The following MGLL variants were observed in gnomAD, a reference collection of about 807,000 sequenced individuals.
MGLL encodes the protein monoglyceride lipase, also known as lysophospholipase homolog.
A neutral mutation model predicts 29.1 loss-of-function variants in MGLL; 7 were observed. The ratio of observed to expected loss-of-function variants is 0.24; its 90% confidence interval spans 0.14 to 0.45. The LOEUF (loss-of-function observed/expected upper bound fraction) is 0.45, where lower values mean the gene tolerates loss of function less well. Ranked by LOEUF, MGLL falls within the 20% of genes least tolerant of loss-of-function variation. MGLL has a pLI of 0.99. For missense variants in MGLL, 356 were observed against 413.6 expected (o/e 0.86, Z 1.21); for synonymous variants, 148 against 168.3 (o/e 0.88, Z 0.93).
At chr3:127,735,743 G>A (rs921516846) in intron 3 of MGLL, 14 of 1,598,074 alleles carry the variant, frequency 8.8e-6, no homozygotes, top group African/African-American at 2.7e-5. Flanking sequence ...CTCGCTCCCC[G>A]CCTTCTCCCA....
Position 127,690,705 on chromosome 3 carries a change from TAAG to T in MGLL, c.*1490_*1492del, listed in dbSNP as rs1339748019. The T allele has an allele frequency of 6.5e-6, 1 of 152,708 alleles. No individual in the cohort carries two copies. Among genetic ancestry groups the T allele is most frequent in the African/African-American group, 2.4e-5 (1 of 41,474 alleles). The allele number at this position is 152,708 out of a possible 1,614,324, so 9.5% of individuals were successfully genotyped here. On this transcript the variant is annotated 3_prime_UTR_variant, in exon 8 of 8. Transcript: ENST00000265052. ...GCCCTGACCAGGGTCATATTTGCAC[TAAG>T]GAGCCTCCTGAGGTAACAGCAAGTC...
At chr3:127,799,493 G>A (rs1011348817) in intron 2 of MGLL, 8 of 152,212 alleles carry the variant, frequency 5.3e-5, no homozygotes, top group Admixed American at 3.3e-4. Context: ...GTGAGAAGGT[G>A]AAAGAGATTA....
intron 3 of MGLL, among the ~76,000 whole-genome samples, chr3:127,737,807 G>C (rs2076271302): frequency 6.6e-6 from 1 of 151,508 alleles, no homozygotes; most frequent in Admixed American, 6.6e-5. Flanking sequence ...ACCACACCTG[G>C]CTAATTTTTT....
At chr3:127,705,262 G>C (rs926387429) in intron 6 of MGLL, among the ~76,000 whole-genome samples, 2 of 152,072 alleles carry the variant, frequency 1.3e-5, no homozygotes, top group Non-Finnish European at 2.9e-5. Flanking sequence ...AGGATAAATA[G>C]CTAATGCATG....
chr3:127,780,721 G>A (rs961949245), intron 3 of MGLL, among the ~76,000 whole-genome samples: 5 of 152,168 alleles, frequency 3.3e-5, no homozygotes, highest in African/African-American at 4.8e-5. Flanking sequence ...AGGCTTTCCC[G>A]CATTTACAAG....
chr3:127,814,676 G>A (rs889195559), intron 2 of MGLL, among the ~76,000 whole-genome samples: 4 of 152,186 alleles, frequency 2.6e-5, no homozygotes, highest in Admixed American at 2.6e-4. Context: ...CATTCTTACA[G>A]CAACTGGAAG....
At chr3:127,781,990 G>T (rs1400741570) in intron 2 of MGLL, 95 bp from the exon 3 acceptor site, 1 of 1,157,886 alleles carries the variant, frequency 8.6e-7, no homozygotes, top group Non-Finnish European at 1.3e-6. Context: ...GGAGGCCGGG[G>T]CGGGCGGATT....
At chr3:127,712,674 A>T (rs1161979924) in intron 5 of MGLL, 3 of 152,288 alleles carry the variant, frequency 2.0e-5, no homozygotes, top group African/African-American at 7.2e-5. Flanking sequence ...CTAGTATAGA[A>T]GCATGCGGCA....
chr3:127,693,688 C>T (rs1225510257), intron 7 of MGLL, among the ~76,000 whole-genome samples: 2 of 152,130 alleles, frequency 1.3e-5, no homozygotes, highest in Non-Finnish European at 2.9e-5. Flanking sequence ...TTAGGGGCAC[C>T]GACTCCTCTC....
At chr3:127,818,257 C>T (rs567365066) in intron 2 of MGLL, among the ~76,000 whole-genome samples, 87 of 152,342 alleles carry the variant, frequency 5.7e-4, no homozygotes, top group African/African-American at 2.0e-3. Flanking sequence ...GCCACTGCAC[C>T]CGGCCAATAT....
chr3:127,820,150 T>C (rs1435909146), intron 2 of MGLL, among the ~76,000 whole-genome samples: 1 of 152,166 alleles, frequency 6.6e-6, no homozygotes, highest in Non-Finnish European at 1.5e-5. Context: ...GCCTCAACCA[T>C]CCACCTCTGT....
At chr3:127,741,010 C>A (rs932368091) in intron 3 of MGLL, among the ~76,000 whole-genome samples, 1 of 152,322 alleles carries the variant, frequency 6.6e-6, no homozygotes, top group Non-Finnish European at 1.5e-5. Flanking sequence ...ACGGCTACCC[C>A]CAGTGAGCAC....
At chr3:127,750,817 T>C (rs1388807574) in intron 3 of MGLL, among the ~76,000 whole-genome samples, 1 of 152,232 alleles carries the variant, frequency 6.6e-6, no homozygotes, top group African/African-American at 2.4e-5. Context: ...ACTGTACATA[T>C]GCACAGTACA....
intron 3 of MGLL, among the ~76,000 whole-genome samples, chr3:127,773,386 A>G (rs1247913946): frequency 6.6e-6 from 1 of 152,244 alleles, no homozygotes; most frequent in Non-Finnish European, 1.5e-5. Context: ...GGGAGACAAC[A>G]GTCTCACCTC....
intron 5 of MGLL, chr3:127,711,073 C>T (rs898693476): frequency 6.3e-5 from 20 of 318,904 alleles, no homozygotes; most frequent in African/African-American, 2.8e-4. Context: ...CAACTGAGCA[C>T]GAAGCAGGGC....
chr3:127,781,280 G>A (rs1199771791), intron 3 of MGLL, among the ~76,000 whole-genome samples: 1 of 152,174 alleles, frequency 6.6e-6, no homozygotes, highest in Admixed American at 6.6e-5. Context: ...ATGTGTGTAT[G>A]ACTATATGCA....
chr3:127,819,493 G>A (rs1411093050), intron 2 of MGLL, among the ~76,000 whole-genome samples: 1 of 152,174 alleles, frequency 6.6e-6, no homozygotes, highest in Non-Finnish European at 1.5e-5. Context: ...AGTTGGTACA[G>A]TAGTGGGGGA....
At chr3:127,806,234 C>A (rs2077563187) in intron 2 of MGLL, among the ~76,000 whole-genome samples, 2 of 152,230 alleles carry the variant, frequency 1.3e-5, no homozygotes, top group Non-Finnish European at 2.9e-5. Context: ...GGCTTGCCTG[C>A]CTGCCGTTCT....
rs1232289510 is a variant in MGLL at position 127,797,581 on chromosome 3, T to C, written c.156-15686A>G. 3.9e-5 allele frequency among the ~76,000 whole-genome samples: 6 copies of C among 152,202 alleles called. No individual in the cohort carries two copies. In the East Asian group the frequency reaches 1.2e-3, roughly 29 times the overall value. On this transcript the variant is annotated intron_variant, in intron 2 of 7. Coordinates refer to ENST00000265052, the MANE Select transcript of MGLL (RefSeq NM_007283.7). Reference sequence around the variant, plus strand: ...GGAATGTCACTAGACTCCTCAAATATTCCAGATTAGAAAAACAAACAACAT... The same window carrying C: ...GGAATGTCACTAGACTCCTCAAATACTCCAGATTAGAAAAACAAACAACAT...
Sources: gnomAD v4.1 joint callset for allele counts (sites outside exome capture counted in the v4.1 genomes callset) on GRCh38, gnomAD v4.1.1 for gene constraint, MANE v1.5 for transcripts, NCBI Gene and HGNC (gene_info 2026-07-23, HGNC 2026-07-21) for gene names.